Variants in ADGRL2 observed in about 807,000 individuals in gnomAD.
ADGRL2 encodes adhesion G protein-coupled receptor L2, also known as calcium-independent alpha-latrotoxin receptor 2.
A neutral mutation model predicts 157.4 loss-of-function variants in ADGRL2; 44 were observed. The observed-to-expected ratio is 0.28, with a 90% CI of 0.22 to 0.36. The LOEUF is 0.36. Ranked by LOEUF, ADGRL2 falls within the 10% of genes least tolerant of loss-of-function variation. The pLI, the probability that ADGRL2 is intolerant of heterozygous loss-of-function variation, is 1.00. For missense variants in ADGRL2, 1,510 were observed against 1,768.9 expected, an observed-to-expected ratio of 0.85 and a Z score of 2.63; for synonymous variants, 585 against 624.7, an observed-to-expected ratio of 0.94 and a Z score of 0.95.
At chr1:81,427,130 G>A (rs1207869304) in intron 1 of ADGRL2, 9 of 1,360,070 alleles carry the variant, frequency 6.6e-6, no homozygotes, top group East Asian at 2.3e-5. Flanking sequence ...GAGAGATTGT[G>A]GAGGTGGATC....
chr1:81,761,706 T>TA (rs34045984), intron 1 of ADGRL2: 99,894 of 151,784 alleles, frequency 0.66, 33,744 homozygotes, highest in East Asian at 0.97. Flanking sequence ...TGTTTTCTGC[T>TA]TAGATTTACT....
intron 2 of ADGRL2, among the ~76,000 whole-genome samples, chr1:81,536,563 CT>C (rs1240498542): frequency 6.6e-6 from 1 of 152,170 alleles, no homozygotes; most frequent in Non-Finnish European, 1.5e-5. Context: ...TCAGAATTTG[CT>C]TTGACTCTCA....
intron 3 of ADGRL2, among the ~76,000 whole-genome samples, chr1:81,909,580 T>C (rs2094663579): frequency 1.3e-5 from 2 of 152,196 alleles, no homozygotes; most frequent in Non-Finnish European, 2.9e-5. Context: ...AGGCTGTCAA[T>C]ATGACAGATG....
intron 1 of ADGRL2, among the ~76,000 whole-genome samples, chr1:81,415,849 T>TTTG (rs1231002778): frequency 1.4e-4 from 20 of 144,486 alleles, no homozygotes; most frequent in Non-Finnish European, 2.6e-4. Flanking sequence ...TTTCCTTTTT[T>TTTG]TTTTTTTTTG....
At chr1:81,526,673 A>G (rs553151677) in intron 2 of ADGRL2, among the ~76,000 whole-genome samples, 1 of 152,234 alleles carries the variant, frequency 6.6e-6, no homozygotes, top group African/African-American at 2.4e-5. Flanking sequence ...TTTTTTAGGA[A>G]TGTTTGTATT....
intron 1 of ADGRL2, among the ~76,000 whole-genome samples, chr1:81,719,236 G>A (rs946466630): frequency 2.0e-5 from 3 of 152,126 alleles, no homozygotes; most frequent in Admixed American, 6.5e-5. Flanking sequence ...GAACTACTAC[G>A]TAAGAAAGAA....
At chr1:81,680,529 C>G (rs563678717) in intron 3 of ADGRL2, among the ~76,000 whole-genome samples, 1 of 152,136 alleles carries the variant, frequency 6.6e-6, no homozygotes, top group South Asian at 2.1e-4. Context: ...CATGCTTACA[C>G]TGATGATCTC....
chr1:81,334,350 G>T (rs1406019682), intron 1 of ADGRL2, among the ~76,000 whole-genome samples: 1 of 152,074 alleles, frequency 6.6e-6, no homozygotes, highest in African/African-American at 2.4e-5. Context: ...TCTCAAAAGG[G>T]TTAGATATTA....
intron 1 of ADGRL2, among the ~76,000 whole-genome samples, chr1:81,357,375 A>G (rs1455230407): frequency 2.0e-5 from 3 of 152,166 alleles, no homozygotes; most frequent in Non-Finnish European, 2.9e-5. Flanking sequence ...GTAAGTTTTC[A>G]TTCTAGGCTC....
rs781197841 is a variant in ADGRL2, at chr1:81,936,884, G to A, written c.397+47G>A. ...TTTTACACTTTGCCCAGCATTACTT[G>A]TTGATGCTGAAAGACTACACATGTG... On this transcript the variant is annotated intron_variant, in intron 4 of 23. Transcript: ENST00000686636. 18 of 1,133,428 alleles carry A rather than the reference G, an allele frequency of 1.6e-5. No individual in the cohort carries two copies. In the East Asian group the frequency reaches 4.2e-4, roughly 27 times the overall value. 70.2% of individuals were successfully genotyped at this position (1,133,428 alleles called of 1,614,324 possible). A position where few individuals can be genotyped will look rare whatever the true frequency, so the allele number is the denominator to read the frequency against.
chr1:81,701,392 G>A (rs2083571132), intron 1 of ADGRL2, among the ~76,000 whole-genome samples: 1 of 152,026 alleles, frequency 6.6e-6, no homozygotes. Flanking sequence ...ATCCCATGGA[G>A]GAACAAAGGG....
chr1:81,990,092 G>T (rs947634668), intron 23 of ADGRL2: 27 of 985,210 alleles, frequency 2.7e-5, no homozygotes, highest in Non-Finnish European at 3.1e-5. Context: ...AGTCTTCTTT[G>T]TGTCAGAGAT....
intron 3 of ADGRL2, among the ~76,000 whole-genome samples, chr1:81,610,826 G>T (rs2148668460): frequency 6.6e-6 from 1 of 152,282 alleles, no homozygotes; most frequent in African/African-American, 2.4e-5. Context: ...CAGAATGAAG[G>T]TAAAGAAAAC....
chr1:81,397,659 G>C (rs921083758), intron 1 of ADGRL2, among the ~76,000 whole-genome samples: 1 of 151,912 alleles, frequency 6.6e-6, no homozygotes, highest in Non-Finnish European at 1.5e-5. Flanking sequence ...TTATTTATTT[G>C]GGTCTTTTCT....
chr1:81,548,994 G>A (rs935688416), intron 2 of ADGRL2, among the ~76,000 whole-genome samples: 1 of 152,222 alleles, frequency 6.6e-6, no homozygotes, highest in African/African-American at 2.4e-5. Flanking sequence ...TCATTACAAG[G>A]TTGTATGTTG....
intron 2 of ADGRL2, among the ~76,000 whole-genome samples, chr1:81,473,613 G>A (rs753753037): frequency 6.6e-6 from 1 of 152,116 alleles, no homozygotes; most frequent in Non-Finnish European, 1.5e-5. Context: ...ATTCAGAAGG[G>A]CTTTGCTAAT....
intron 3 of ADGRL2, among the ~76,000 whole-genome samples, chr1:81,650,715 T>C (rs1266598572): frequency 2.6e-5 from 4 of 152,154 alleles, no homozygotes; most frequent in Non-Finnish European, 5.9e-5. Context: ...TGATATCTTG[T>C]ATTAGATTTT....
chr1:81,605,035 G>T (rs2081405560), intron 3 of ADGRL2, among the ~76,000 whole-genome samples: 1 of 152,104 alleles, frequency 6.6e-6, no homozygotes, highest in African/African-American at 2.4e-5. Context: ...TAATAGCTCA[G>T]GTCTTTTCTC....
chr1:81,389,582 T>C (rs2076497534), intron 1 of ADGRL2, among the ~76,000 whole-genome samples: 1 of 152,186 alleles, frequency 6.6e-6, no homozygotes, highest in African/African-American at 2.4e-5. Flanking sequence ...TTTCGGGTAT[T>C]ATTGAAAGAG....
Sources: gnomAD v4.1 joint callset for allele counts (sites outside exome capture counted in the v4.1 genomes callset) on GRCh38, gnomAD v4.1.1 for gene constraint, MANE v1.5 for transcripts, NCBI Gene and HGNC (gene_info 2026-07-23, HGNC 2026-07-21) for gene names.